Variants in OSBPL1A observed in about 807,000 individuals in gnomAD.
The protein encoded by OSBPL1A is oxysterol binding protein like 1A.
In OSBPL1A, 80 loss-of-function variants were observed where a neutral mutation model predicts 137.1. The observed-to-expected ratio is 0.58, with a 90% confidence interval of 0.49 to 0.70. The LOEUF (loss-of-function observed/expected upper bound fraction) is 0.70. Among genes scored for constraint, OSBPL1A ranks in the 30% least tolerant of loss-of-function variants. OSBPL1A has a pLI of 0.00. For missense variants in OSBPL1A, 970 were observed against 1,129.4 expected (o/e 0.86, Z 2.02); for synonymous variants, 365 against 389.7 (o/e 0.94, Z 0.75).
At chr18:24,211,554 C>T (rs530168062) in intron 17 of OSBPL1A, among the ~76,000 whole-genome samples, 3 of 151,992 alleles carry the variant, frequency 2.0e-5, no homozygotes, top group Admixed American at 6.5e-5. Context: ...GACCCCTACT[C>T]CCCACCACAA....
intron 15 of OSBPL1A, among the ~76,000 whole-genome samples, chr18:24,277,741 G>A (rs926811372): frequency 1.3e-5 from 2 of 152,310 alleles, no homozygotes; most frequent in Non-Finnish European, 1.5e-5. Flanking sequence ...AAATTCCTAT[G>A]TTGTAATCCT....
intron 18 of OSBPL1A, among the ~76,000 whole-genome samples, chr18:24,184,466 T>C (rs2086690025): frequency 6.6e-6 from 1 of 152,196 alleles, no homozygotes; most frequent in Admixed American, 6.5e-5. Flanking sequence ...TTCCCTTTAT[T>C]CCTCTATGTC....
chr18:24,341,943 T>G (rs925213015), intron 4 of OSBPL1A, among the ~76,000 whole-genome samples: 1 of 152,196 alleles, frequency 6.6e-6, no homozygotes, highest in Non-Finnish European at 1.5e-5. Flanking sequence ...GTGGTCAAAT[T>G]AAATGTATTA....
At chr18:24,293,688 G>A (rs930207834) in intron 14 of OSBPL1A, among the ~76,000 whole-genome samples, 15 of 152,206 alleles carry the variant, frequency 9.9e-5, no homozygotes, top group African/African-American at 3.6e-4. Flanking sequence ...AGGCCAATGA[G>A]GCTGGAGAGG....
chr18:24,172,787 A>G lies in OSBPL1A; in HGVS notation c.2094-304T>C, dbSNP rs28496517. Among the ~76,000 whole-genome samples, 1,279 of 152,312 alleles carry G rather than the reference A, an allele frequency of 8.4e-3. 18 individuals carry two copies. Among genetic ancestry groups the G allele is most frequent in the African/African-American group, 0.029 (1,223 of 41,562 alleles). ...GTGTCATGAAACATTAAAAAAAGCT[A>G]AAGTAGAGACACAAAATAAAAAGTC... On this transcript the variant is annotated intron_variant, in intron 21 of 27. Transcript: ENST00000319481.
At chr18:24,341,515 A>G (rs766109463) in intron 5 of OSBPL1A, 32 bp downstream of exon 5, 3 of 1,520,500 alleles carry the variant, frequency 2.0e-6, no homozygotes, top group Middle Eastern at 1.7e-4. Flanking sequence ...ATGAAAGTAA[A>G]TGCTGTTTAT....
chr18:24,187,260 C>G (rs746822204), intron 18 of OSBPL1A, among the ~76,000 whole-genome samples: 1 of 151,974 alleles, frequency 6.6e-6, no homozygotes. Flanking sequence ...GTTGGTGTTT[C>G]GAGGGGACGG....
At chr18:24,341,734 C>G in intron 4 of OSBPL1A, 76 bp from the exon 5 acceptor site, 2 of 913,590 alleles carry the variant, frequency 2.2e-6, no homozygotes, top group East Asian at 2.5e-5. Context: ...AAATTACTAA[C>G]TACTACAGAG....
At chr18:24,164,420 GTTTTTTTTTT>G (rs35343209) in intron 27 of OSBPL1A, among the ~76,000 whole-genome samples, 1 of 95,970 alleles carries the variant, frequency 1.0e-5, no homozygotes, top group Admixed American at 1.2e-4. Flanking sequence ...GAGATTTTTG[GTTTTTTTTTT>G]TTTTTTTTTT....
chr18:24,259,534 T>C (rs2146039411), intron 15 of OSBPL1A, among the ~76,000 whole-genome samples: 1 of 152,298 alleles, frequency 6.6e-6, no homozygotes, highest in Middle Eastern at 3.4e-3. Flanking sequence ...TACCCCTTTT[T>C]CTGCCCCTTC....
intron 27 of OSBPL1A, among the ~76,000 whole-genome samples, chr18:24,164,642 A>G (rs942403053): frequency 1.3e-5 from 2 of 151,544 alleles, no homozygotes; most frequent in East Asian, 3.9e-4. Flanking sequence ...GTTAGCCAGG[A>G]TGGTCTGGAT....
intron 7 of OSBPL1A, among the ~76,000 whole-genome samples, chr18:24,324,771 G>A (rs1178589310): frequency 2.1e-5 from 3 of 143,768 alleles, no homozygotes; most frequent in East Asian, 2.1e-4. Context: ...GCGACAGAGC[G>A]AGACTCTGTC....
rs116584812 is a variant in OSBPL1A, at chr18:24,241,608, T to C, written c.1282-2226A>G. Among the ~76,000 whole-genome samples the C allele has an allele frequency of 3.0e-3, 454 of 152,282 alleles. 2 individuals are homozygous for C. The highest frequency in any genetic ancestry group is 0.01 in the African/African-American group (430 of 41,554). On this transcript the variant is annotated intron_variant, in intron 15 of 27. Coordinates refer to ENST00000319481, the MANE Select transcript of OSBPL1A (RefSeq NM_080597.4). ...CTTACGCCAGTTAGAATGGCGATTATTAAAGAGTCAGAAAACAACAGATGC... is the reference window on the plus strand; with the variant it reads ...CTTACGCCAGTTAGAATGGCGATTACTAAAGAGTCAGAAAACAACAGATGC...
chr18:24,183,032 A>C (rs977556759), intron 18 of OSBPL1A, among the ~76,000 whole-genome samples: 4 of 151,452 alleles, frequency 2.6e-5, no homozygotes, highest in African/African-American at 9.7e-5. Flanking sequence ...CCAGACCTGG[A>C]TAATTTTTGT....
chr18:24,180,681 T>C (rs1052156054), intron 19 of OSBPL1A, among the ~76,000 whole-genome samples: 2 of 152,166 alleles, frequency 1.3e-5, no homozygotes, highest in Admixed American at 6.5e-5. Flanking sequence ...GAGACCATCC[T>C]GGCTAACACA....
At chr18:24,295,084 C>T (rs1165404682) in intron 14 of OSBPL1A, among the ~76,000 whole-genome samples, 1 of 152,156 alleles carries the variant, frequency 6.6e-6, no homozygotes. Flanking sequence ...CTATTGTTTT[C>T]TGACTTTTTC....
intron 14 of OSBPL1A, among the ~76,000 whole-genome samples, chr18:24,299,544 TTGAC>T (rs2090357784): frequency 1.3e-5 from 2 of 152,216 alleles, no homozygotes. Flanking sequence ...AAAAAAAAGT[TTGAC>T]TGACAGTTAT....
At chr18:24,211,918 A>G (rs1227616964) in intron 17 of OSBPL1A, among the ~76,000 whole-genome samples, 1 of 151,998 alleles carries the variant, frequency 6.6e-6, no homozygotes, top group African/African-American at 2.4e-5. Flanking sequence ...CAAAAAAAAA[A>G]AAATCAATGC....
intron 6 of OSBPL1A, among the ~76,000 whole-genome samples, chr18:24,334,017 T>C (rs2091128819): frequency 6.6e-6 from 1 of 152,158 alleles, no homozygotes. Flanking sequence ...TTAGGGTGGG[T>C]GTAAATCAGA....
Sources: gnomAD v4.1 joint callset for allele counts (sites outside exome capture counted in the v4.1 genomes callset) on GRCh38, gnomAD v4.1.1 for gene constraint, MANE v1.5 for transcripts, NCBI Gene and HGNC (gene_info 2026-07-23, HGNC 2026-07-21) for gene names.